Variants in KAZN observed in about 807,000 individuals in gnomAD.
The protein encoded by KAZN is kazrin.
In KAZN, 40 loss-of-function variants were observed where a neutral mutation model predicts 87.4. That is an observed-to-expected ratio of 0.46 (90% confidence interval 0.36 to 0.60). The LOEUF (loss-of-function observed/expected upper bound fraction) is 0.60, where lower values mean the gene tolerates loss of function less well. Among genes scored for constraint, KAZN ranks in the 20% least tolerant of loss-of-function variants. The pLI, the probability that KAZN is intolerant of heterozygous loss-of-function variation, is 0.00. For missense variants in KAZN, 898 were observed against 1,073.9 expected (o/e 0.84, Z 2.29); for synonymous variants, 466 against 458.3 (o/e 1.02, Z -0.22).
At chr1:14,707,314 C>A (rs557795342) in intron 1 of KAZN, among the ~76,000 whole-genome samples, 2 of 152,242 alleles carry the variant, frequency 1.3e-5, no homozygotes, top group South Asian at 4.2e-4. Flanking sequence ...AGGATAAAGG[C>A]AATAACAGAT....
At chr1:14,950,579 C>T (rs1473529171) in intron 1 of KAZN, among the ~76,000 whole-genome samples, 1 of 152,158 alleles carries the variant, frequency 6.6e-6, no homozygotes, top group East Asian at 1.9e-4. Flanking sequence ...ACAGGCAAAT[C>T]ATTAAGCTTA....
At chr1:14,827,128 T>A (rs555794021) in intron 1 of KAZN, among the ~76,000 whole-genome samples, 1 of 152,244 alleles carries the variant, frequency 6.6e-6, no homozygotes, top group African/African-American at 2.4e-5. Flanking sequence ...ATGGGCCCAG[T>A]CCTGAGGCAT....
At chr1:15,103,508 C>T in intron 12 of KAZN, 48 bp downstream of exon 12, 1 of 1,236,078 alleles carries the variant, frequency 8.1e-7, no homozygotes, top group East Asian at 2.6e-5. Flanking sequence ...ATACACAAAC[C>T]CCATGCAAAT....
chr1:14,044,679 C>T (rs933799311), intron 1 of KAZN, among the ~76,000 whole-genome samples: 4 of 152,166 alleles, frequency 2.6e-5, no homozygotes, highest in South Asian at 4.1e-4. Context: ...ACTCCTCTCT[C>T]GCCATTAACT....
intron 1 of KAZN, among the ~76,000 whole-genome samples, chr1:14,828,265 C>T (rs1042382116): frequency 3.3e-5 from 5 of 152,170 alleles, no homozygotes; most frequent in African/African-American, 9.7e-5. Flanking sequence ...TAAAATATCT[C>T]GGCTAAAACA....
chr1:14,966,028 T>C (rs778480115), intron 2 of KAZN, among the ~76,000 whole-genome samples: 55 of 150,598 alleles, frequency 3.7e-4, no homozygotes, highest in Admixed American at 6.0e-4. Context: ...CACCCAGGCT[T>C]GAGTGCAGGG....
chr1:14,987,443 G>A (rs1362387968), intron 2 of KAZN, among the ~76,000 whole-genome samples: 3 of 152,060 alleles, frequency 2.0e-5, no homozygotes, highest in South Asian at 2.1e-4. Context: ...GCAGTGAGCC[G>A]AGATTGTGCC....
At chr1:14,511,441 G>A (rs1670901796) in intron 2 of KAZN, among the ~76,000 whole-genome samples, 1 of 152,144 alleles carries the variant, frequency 6.6e-6, no homozygotes, top group African/African-American at 2.4e-5. Flanking sequence ...AGAATTTAGG[G>A]AACAAATTCT....
intron 1 of KAZN, among the ~76,000 whole-genome samples, chr1:14,023,303 C>T (rs375574376): frequency 6.6e-6 from 1 of 152,144 alleles, no homozygotes; most frequent in African/African-American, 2.4e-5. Context: ...GCCTGGGTGA[C>T]ACAGCGAGAC....
chr1:14,450,124 C>CG (rs1033610589), intron 2 of KAZN, among the ~76,000 whole-genome samples: 1 of 150,412 alleles, frequency 6.6e-6, no homozygotes, highest in Admixed American at 6.6e-5. Flanking sequence ...AGTGCTGCCC[C>CG]CCCGCCTGCA....
intron 1 of KAZN, among the ~76,000 whole-genome samples, chr1:13,942,249 AT>A (rs1640956028): frequency 1.3e-5 from 2 of 152,172 alleles, no homozygotes; most frequent in Admixed American, 6.5e-5. Context: ...GGAGAAAAAT[AT>A]AATTCACCGG....
At chr1:13,969,925 C>A (rs1460645355) in intron 1 of KAZN, among the ~76,000 whole-genome samples, 1 of 152,170 alleles carries the variant, frequency 6.6e-6, no homozygotes, top group African/African-American at 2.4e-5. Flanking sequence ...GAGGTAGGCA[C>A]CGCCCATTTT....
chr1:14,503,069 G>A (rs1245423675), intron 2 of KAZN, among the ~76,000 whole-genome samples: 2 of 152,062 alleles, frequency 1.3e-5, no homozygotes, highest in African/African-American at 4.8e-5. Context: ...GGGCAGGTAG[G>A]TGGAATATGG....
chr1:14,601,217 C>T (rs1418347921), intron 1 of KAZN, among the ~76,000 whole-genome samples: 1 of 152,122 alleles, frequency 6.6e-6, no homozygotes, highest in African/African-American at 2.4e-5. Flanking sequence ...CAAAATCTTT[C>T]CTAGGGGCAC....
At chr1:14,374,783 C>A (rs567908689) in intron 2 of KAZN, among the ~76,000 whole-genome samples, 34 of 152,258 alleles carry the variant, frequency 2.2e-4, no homozygotes, top group Admixed American at 1.4e-3. Flanking sequence ...TCATCACGCT[C>A]CCTGTACTGC....
intron 1 of KAZN, among the ~76,000 whole-genome samples, chr1:14,877,897 A>G (rs894753359): frequency 6.6e-6 from 1 of 152,278 alleles, no homozygotes; most frequent in African/African-American, 2.4e-5. Flanking sequence ...TGTCTTTTAT[A>G]TACCAGGCTG....
At chr1:14,335,203 CTTTT>C (rs34934115) in intron 2 of KAZN, among the ~76,000 whole-genome samples, 2 of 131,330 alleles carry the variant, frequency 1.5e-5, no homozygotes, top group African/African-American at 2.8e-5. Flanking sequence ...GTCCTCCTTT[CTTTT>C]TTTTTTTTTT....
chr1:14,201,799 G>A (rs1646646038), intron 2 of KAZN, among the ~76,000 whole-genome samples: 1 of 152,302 alleles, frequency 6.6e-6, no homozygotes, highest in African/African-American at 2.4e-5. Context: ...CTCCCGAGTA[G>A]CTGGGATTAC....
intron 1 of KAZN, among the ~76,000 whole-genome samples, chr1:14,845,361 G>GTGGATGGATGGATGGATGGATGGA (rs59955064): frequency 1.4e-5 from 2 of 147,216 alleles, no homozygotes; most frequent in African/African-American, 5.1e-5. Flanking sequence ...GGATGGATGA[G>GTGGATGGATGGATGGATGGATGGA]TGGATGGATG....
Sources: gnomAD v4.1 joint callset for allele counts (sites outside exome capture counted in the v4.1 genomes callset) on GRCh38, gnomAD v4.1.1 for gene constraint, MANE v1.5 for transcripts, NCBI Gene and HGNC (gene_info 2026-07-23, HGNC 2026-07-21) for gene names.